Variants in SLIT2 observed in about 807,000 individuals in gnomAD.
SLIT2 encodes the protein slit homolog 2 protein.
Under a neutral mutation model 185.7 loss-of-function variants are expected in SLIT2, and 41 were observed. The observed-to-expected ratio is 0.22, with a 90% CI of 0.17 to 0.29. The LOEUF (loss-of-function observed/expected upper bound fraction) is 0.29. SLIT2 is among the 10% of genes least tolerant of loss of function. SLIT2 has a pLI of 1.00. For missense variants in SLIT2, 1,571 were observed against 1,909.0 expected, an observed-to-expected ratio of 0.82 and a Z score of 3.30; for synonymous variants, 693 against 680.2, an observed-to-expected ratio of 1.02 and a Z score of -0.29.
chr4:20,340,767 A>C (rs1048534900), intron 4 of SLIT2, among the ~76,000 whole-genome samples: 1 of 151,830 alleles, frequency 6.6e-6, no homozygotes, highest in Non-Finnish European at 1.5e-5. Flanking sequence ...GACCCGGCTA[A>C]TTTTTTGTAT....
intron 9 of SLIT2, among the ~76,000 whole-genome samples, chr4:20,499,187 A>G (rs1270159897): frequency 6.6e-6 from 1 of 152,140 alleles, no homozygotes; most frequent in African/African-American, 2.4e-5. Context: ...TCTTCTTTTG[A>G]GAAATACTTG....
intron 4 of SLIT2, among the ~76,000 whole-genome samples, chr4:20,388,789 A>AT (rs201300673): frequency 0.16 from 21,312 of 133,980 alleles, 1,674 homozygotes; most frequent in Middle Eastern, 0.22. Context: ...AAAAAAAAAA[A>AT]AAAATATATA....
chr4:20,420,062 A>G (rs1728049669), intron 4 of SLIT2, among the ~76,000 whole-genome samples: 1 of 152,152 alleles, frequency 6.6e-6, no homozygotes, highest in South Asian at 2.1e-4. Flanking sequence ...ACAATAAATG[A>G]TAACCACTGT....
intron 3 of SLIT2, among the ~76,000 whole-genome samples, chr4:20,263,328 A>G (rs918042766): frequency 4.0e-5 from 6 of 151,704 alleles, no homozygotes; most frequent in East Asian, 1.9e-4. Flanking sequence ...GATCTCATCA[A>G]TATTGCTTTA....
chr4:20,594,370 T>C (rs1727799438), intron 30 of SLIT2, among the ~76,000 whole-genome samples: 2 of 151,906 alleles, frequency 1.3e-5, no homozygotes, highest in East Asian at 2.0e-4. Context: ...GTTATGTGTA[T>C]ATGTATGTAT....
intron 11 of SLIT2, among the ~76,000 whole-genome samples, chr4:20,511,596 T>TTTTTTTTTTTTTTTTA (rs1220710184): frequency 5.1e-5 from 7 of 138,574 alleles, no homozygotes; most frequent in Non-Finnish European, 1.1e-4. Flanking sequence ...AATTTTTTTT[T>TTTTTTTTTTTTTTTTA]TTTTTTTATT....
intron 29 of SLIT2, among the ~76,000 whole-genome samples, chr4:20,578,591 A>G (rs1726263360): frequency 6.6e-6 from 1 of 152,216 alleles, no homozygotes; most frequent in Non-Finnish European, 1.5e-5. Flanking sequence ...CCTCTTTCGT[A>G]CATCTATGAT....
chr4:20,598,134 T>C (rs549528556), intron 32 of SLIT2, 131 bp from the exon 33 acceptor site: 2 of 746,184 alleles, frequency 2.7e-6, no homozygotes, highest in South Asian at 2.8e-5. Flanking sequence ...AATTTCAGCA[T>C]CGTTTTCTCA....
At chr4:20,368,415 G>T (rs1723312849) in intron 4 of SLIT2, among the ~76,000 whole-genome samples, 1 of 151,698 alleles carries the variant, frequency 6.6e-6, no homozygotes, top group African/African-American at 2.4e-5. Context: ...TCTGGAAAGA[G>T]AAATTTCTAA....
chr4:20,514,334 A>G lies in SLIT2; in HGVS notation c.1058+3197A>G, dbSNP rs1419165535. 2.0e-5 allele frequency among the ~76,000 whole-genome samples: 3 copies of G among 152,164 alleles called. No individual in the cohort carries two copies. The East Asian group carries it at 5.8e-4, about 29-fold the overall frequency. On this transcript the variant is annotated intron_variant, in intron 11 of 36. Coordinates refer to ENST00000504154, the MANE Select transcript of SLIT2 (RefSeq NM_004787.4). ...ATATGATGCCAAGCACCTCTACTGC[A>G]TTCTACTTAAAAAATAAAAATTTCA...
chr4:20,413,555 A>G (rs917973304), intron 4 of SLIT2, among the ~76,000 whole-genome samples: 1 of 152,068 alleles, frequency 6.6e-6, no homozygotes, highest in Non-Finnish European at 1.5e-5. Context: ...GTCTCCAACT[A>G]TAATTTATAA....
chr4:20,519,329 T>C, intron 11 of SLIT2, 53 bp from the exon 12 acceptor site: 1 of 879,932 alleles, frequency 1.1e-6, no homozygotes, highest in Non-Finnish European at 1.9e-6. Flanking sequence ...ATTAGATGAA[T>C]TTGTTATGCA....
At chr4:20,517,161 T>C (rs1720286200) in intron 11 of SLIT2, among the ~76,000 whole-genome samples, 1 of 152,162 alleles carries the variant, frequency 6.6e-6, no homozygotes, top group Admixed American at 6.5e-5. Context: ...ATTCACAATA[T>C]CAGACTCTTT....
At chr4:20,515,697 A>G (rs1469999408) in intron 11 of SLIT2, among the ~76,000 whole-genome samples, 3 of 152,054 alleles carry the variant, frequency 2.0e-5, no homozygotes, top group Admixed American at 1.3e-4. Flanking sequence ...ATTTATAAGT[A>G]TAATTTCCTT....
intron 4 of SLIT2, among the ~76,000 whole-genome samples, chr4:20,426,656 A>AC (rs1728578853): frequency 6.6e-6 from 1 of 152,038 alleles, no homozygotes; most frequent in African/African-American, 2.4e-5. Flanking sequence ...AAGAAGGAGA[A>AC]CCTTAAACCG....
At chr4:20,513,557 G>A (rs1387631169) in intron 11 of SLIT2, among the ~76,000 whole-genome samples, 1 of 152,098 alleles carries the variant, frequency 6.6e-6, no homozygotes, top group Non-Finnish European at 1.5e-5. Context: ...CCTAGTAGAG[G>A]GTCTAGAGAT....
intron 5 of SLIT2, among the ~76,000 whole-genome samples, chr4:20,477,155 T>TA (rs11362908): frequency 2.0e-3 from 282 of 139,086 alleles, no homozygotes; most frequent in Admixed American, 2.7e-3. Flanking sequence ...CCTCCTACCA[T>TA]AAAAAAAAAA....
intron 4 of SLIT2, among the ~76,000 whole-genome samples, chr4:20,300,527 C>T (rs531742270): frequency 8.5e-5 from 13 of 152,160 alleles, no homozygotes; most frequent in South Asian, 8.3e-4. Context: ...TAGTTAGCTA[C>T]GTATCTATAT....
intron 4 of SLIT2, among the ~76,000 whole-genome samples, chr4:20,452,825 G>A (rs187301377): frequency 6.6e-6 from 1 of 152,328 alleles, no homozygotes; most frequent in Admixed American, 6.5e-5. Flanking sequence ...GCTGCTGTGG[G>A]AACCGAGGCC....
Sources: gnomAD v4.1 joint callset for allele counts (sites outside exome capture counted in the v4.1 genomes callset) on GRCh38, gnomAD v4.1.1 for gene constraint, MANE v1.5 for transcripts, NCBI Gene and HGNC (gene_info 2026-07-23, HGNC 2026-07-21) for gene names.